Variants in CENPP observed in about 807,000 individuals in gnomAD.
CENPP encodes the protein centromere protein P.
Under a neutral mutation model 35.6 loss-of-function variants are expected in CENPP, and 24 were observed. The ratio of observed to expected loss-of-function variants is 0.67; its 90% CI spans 0.49 to 0.95. The LOEUF is 0.95. CENPP is among the 40% of genes least tolerant of loss of function. The pLI, the probability that CENPP is intolerant of heterozygous loss-of-function variation, is 0.00. For missense variants in CENPP, 332 were observed against 345.3 expected, an observed-to-expected ratio of 0.96 and a Z score of 0.31; for synonymous variants, 120 against 125.5, an observed-to-expected ratio of 0.96 and a Z score of 0.29.
chr9:92,326,289 C>G (rs1431781257), intron 1 of CENPP, among the ~76,000 whole-genome samples, 184 bp downstream of exon 1: 1 of 152,208 alleles, frequency 6.6e-6, no homozygotes, highest in African/African-American at 2.4e-5. Context: ...CAGCTGTAAA[C>G]GCATTGCAGG....
intron 5 of CENPP, among the ~76,000 whole-genome samples, chr9:92,607,141 C>A (rs917064970): frequency 1.3e-5 from 2 of 152,158 alleles, no homozygotes; most frequent in African/African-American, 4.8e-5. Context: ...TTAGCACTTA[C>A]ATTTCTATGA....
At chr9:92,450,290 C>T (rs1375684055) in intron 5 of CENPP, among the ~76,000 whole-genome samples, 1 of 145,262 alleles carries the variant, frequency 6.9e-6, no homozygotes, top group Non-Finnish European at 1.5e-5. Flanking sequence ...GTTCCCCTTC[C>T]TGTGTCCATG....
intron 7 of CENPP, 29 bp downstream of exon 7, chr9:92,612,643 T>G (rs774140976): frequency 4.7e-5 from 74 of 1,560,928 alleles, no homozygotes; most frequent in Non-Finnish European, 6.2e-5. Context: ...CTGCTCTAGG[T>G]GACTTCTCAA....
chr9:92,494,051 T>A, intron 5 of CENPP: 1 of 1,594,950 alleles, frequency 6.3e-7, no homozygotes, highest in Non-Finnish European at 8.5e-7. Flanking sequence ...CTTGCCTGCT[T>A]ACTTGTCTGT....
chr9:92,480,163 C>A (rs1015209845), intron 5 of CENPP, among the ~76,000 whole-genome samples: 1 of 152,118 alleles, frequency 6.6e-6, no homozygotes, highest in Non-Finnish European at 1.5e-5. Flanking sequence ...CTGATTTAGA[C>A]CAGTTTTGCC....
intron 4 of CENPP, among the ~76,000 whole-genome samples, chr9:92,373,456 T>G (rs1364569258): frequency 2.0e-5 from 3 of 152,174 alleles, no homozygotes; most frequent in Non-Finnish European, 4.4e-5. Flanking sequence ...GATAAATTTA[T>G]CATTCATATC....
Position 92,381,476 on chromosome 9 carries a change from G to C in CENPP, c.564+1617G>C, listed in dbSNP as rs541255757. ...TTTATGTATTTTTCGTAGAGATGCA[G>C]TTTCGCCGTGTTGCCCATGCTGGTC... On this transcript the variant is annotated intron_variant, in intron 5 of 7. Coordinates refer to ENST00000375587, the MANE Select transcript of CENPP (RefSeq NM_001012267.3). 2.6e-5 allele frequency among the ~76,000 whole-genome samples: 4 copies of C among 152,198 alleles called. No individual in the cohort carries two copies. The East Asian group carries it at 5.8e-4, about 22-fold the overall frequency.
intron 5 of CENPP, chr9:92,424,119 A>C (rs567960352): frequency 6.6e-6 from 1 of 152,316 alleles, no homozygotes; most frequent in African/African-American, 2.4e-5. Context: ...AGTCTATTTT[A>C]ATATTAAAAA....
At chr9:92,565,231 T>C (rs934514601) in intron 5 of CENPP, among the ~76,000 whole-genome samples, 5 of 134,642 alleles carry the variant, frequency 3.7e-5, no homozygotes, top group South Asian at 2.3e-4. Context: ...CTGAGTCACA[T>C]TGGAAGAAGA....
intron 4 of CENPP, among the ~76,000 whole-genome samples, chr9:92,365,228 C>T (rs986712684): frequency 6.6e-6 from 1 of 151,836 alleles, no homozygotes; most frequent in African/African-American, 2.4e-5. Context: ...ATGGGCTGCA[C>T]AGGAGGAGGG....
intron 5 of CENPP, chr9:92,457,458 C>T (rs1435725989): frequency 6.2e-7 from 1 of 1,611,650 alleles, no homozygotes; most frequent in Admixed American, 1.7e-5. Context: ...CCCACTCTTG[C>T]AATTGAATTA....
intron 5 of CENPP, among the ~76,000 whole-genome samples, chr9:92,427,405 C>T (rs536420393): frequency 5.9e-5 from 9 of 152,230 alleles, no homozygotes; most frequent in Admixed American, 2.0e-4. Context: ...TCAGGTGATC[C>T]GCCCGCCTCA....
chr9:92,598,086 C>T (rs936191144), intron 5 of CENPP, among the ~76,000 whole-genome samples: 1 of 152,202 alleles, frequency 6.6e-6, no homozygotes, highest in Non-Finnish European at 1.5e-5. Context: ...TGTGGCCAAA[C>T]GTTCACATCA....
chr9:92,334,223 C>G (rs565555539), intron 2 of CENPP, among the ~76,000 whole-genome samples: 15 of 150,896 alleles, frequency 9.9e-5, no homozygotes, highest in East Asian at 7.8e-4. Flanking sequence ...TGGGTTCAAG[C>G]AATTCTCCTG....
At chr9:92,594,828 TTTTCA>T (rs1850738829) in intron 5 of CENPP, among the ~76,000 whole-genome samples, 1 of 151,900 alleles carries the variant, frequency 6.6e-6, no homozygotes, top group Non-Finnish European at 1.5e-5. Flanking sequence ...TTAAAAAAAG[TTTTCA>T]TTTATGTAAG....
At chr9:92,335,824 T>G (rs1473654649) in intron 2 of CENPP, among the ~76,000 whole-genome samples, 1 of 152,218 alleles carries the variant, frequency 6.6e-6, no homozygotes, top group Non-Finnish European at 1.5e-5. Flanking sequence ...TCATTTAAGT[T>G]CTTAAACTTT....
At chr9:92,385,470 A>G in intron 5 of CENPP, 2 of 649,164 alleles carry the variant, frequency 3.1e-6, no homozygotes, top group South Asian at 5.1e-5. Context: ...TATTATATGT[A>G]AGATTTTGAA....
At chr9:92,393,118 T>C in intron 5 of CENPP, 1 of 1,613,680 alleles carries the variant, frequency 6.2e-7, no homozygotes, top group Non-Finnish European at 8.5e-7. Context: ...AGTCAGCTTT[T>C]TAATTTTGTT....
intron 5 of CENPP, among the ~76,000 whole-genome samples, chr9:92,453,680 A>T (rs1844784513): frequency 6.6e-6 from 1 of 152,212 alleles, no homozygotes; most frequent in African/African-American, 2.4e-5. Flanking sequence ...TAGACAGATC[A>T]GTGAGACGGA....
Sources: allele counts gnomAD v4.1 joint callset (sites outside exome capture counted in the v4.1 genomes callset), GRCh38; gene constraint gnomAD v4.1.1; transcripts MANE v1.5; gene names NCBI Gene and HGNC (gene_info 2026-07-23, HGNC 2026-07-21).